Variants in FBXW7 observed in about 807,000 individuals in gnomAD.
FBXW7 encodes the protein F-box/WD repeat-containing protein 7.
FBXW7 carries 11 observed loss-of-function variants against 86.3 expected under a neutral mutation model. That is an observed-to-expected ratio of 0.13 (90% confidence interval 0.08 to 0.21). The LOEUF (loss-of-function observed/expected upper bound fraction) is 0.21, where lower values mean the gene tolerates loss of function less well. Ranked by LOEUF, FBXW7 falls within the 10% of genes least tolerant of loss-of-function variation. The pLI, the probability that FBXW7 is intolerant of heterozygous loss-of-function variation, is 1.00. For synonymous variants in FBXW7, 313 were observed against 297.9 expected (o/e 1.05, Z -0.52); for missense variants, 488 against 847.4 (o/e 0.58, Z 5.27).
Position 152,350,795 on chromosome 4 carries a change from T to C in FBXW7, c.502-671A>G, listed in dbSNP as rs1236350392. 2.6e-5 allele frequency among the ~76,000 whole-genome samples: 4 copies of C among 151,982 alleles called. No homozygotes were observed. In the East Asian group the frequency reaches 7.7e-4, roughly 29 times the overall value. ...AGAATATAGCTCTATTGACAGATAC[T>C]CAGGACAAAATATTCTAATTTGAAA... On this transcript the variant is annotated intron_variant, in intron 4 of 13. Coordinates refer to ENST00000281708, the MANE Select transcript of FBXW7 (RefSeq NM_001349798.2).
rs192470984 is a variant in FBXW7, at chr4:152,482,629, G to A, written c.-120+52312C>T. Reference sequence around the variant, plus strand: ...GGGAGCCATATTTAGCAACCAAGATGCATGTAACCATTGCTACTGAGATTG... The same window carrying A: ...GGGAGCCATATTTAGCAACCAAGATACATGTAACCATTGCTACTGAGATTG... On this transcript the variant is annotated intron_variant, in intron 2 of 13. Coordinates refer to ENST00000281708, the MANE Select transcript of FBXW7 (RefSeq NM_001349798.2). Among the ~76,000 whole-genome samples, 622 of 152,218 alleles carry A rather than the reference G, an allele frequency of 4.1e-3. 5 individuals are homozygous for A. Among genetic ancestry groups the A allele is most frequent in the Non-Finnish European group, 6.7e-3 (459 of 68,006 alleles).
At chr4:152,483,690 C>T (rs374486270) in intron 2 of FBXW7, among the ~76,000 whole-genome samples, 1 of 151,792 alleles carries the variant, frequency 6.6e-6, no homozygotes, top group East Asian at 1.9e-4. Context: ...AAAGTGAGAC[C>T]CTGTCTCCAA....
chr4:152,338,035 AG>A lies in FBXW7; in HGVS notation c.727-100del, dbSNP rs1268300603. On this transcript the variant is annotated intron_variant, in intron 6 of 13. Coordinates refer to ENST00000281708, the MANE Select transcript of FBXW7 (RefSeq NM_001349798.2). ...CATCTACACACAACCATAGTTGATC[AG>A]GGTAGAACTGTATAAAAAGTGGCTC... is the stretch of plus-strand genomic sequence containing the variant. 15 of 1,134,456 alleles carry A rather than the reference AG, an allele frequency of 1.3e-5. No individual in the cohort carries two copies. The African/African-American group carries it at 2.4e-4, about 18-fold the overall frequency. 70.3% of individuals were successfully genotyped at this position (1,134,456 alleles called of 1,614,324 possible). A position where few individuals can be genotyped will look rare whatever the true frequency, so the allele number is the denominator to read the frequency against.
intron 4 of FBXW7, chr4:152,352,621 G>T (rs1731932960): frequency 1.9e-6 from 3 of 1,613,652 alleles, no homozygotes; most frequent in Non-Finnish European, 2.5e-6. Flanking sequence ...TTCTAATGTG[G>T]ACATGCTCAG....
At chr4:152,454,832 T>C (rs1332678687) in intron 2 of FBXW7, among the ~76,000 whole-genome samples, 1 of 152,100 alleles carries the variant, frequency 6.6e-6, no homozygotes, top group Non-Finnish European at 1.5e-5. Context: ...TAATAAATAT[T>C]AGCCATTAAC....
intron 2 of FBXW7, among the ~76,000 whole-genome samples, chr4:152,419,494 A>AAAACACACACACACACACACAC (rs370794631): frequency 5.7e-5 from 7 of 123,344 alleles, no homozygotes; most frequent in East Asian, 2.4e-4. Context: ...GGATAAGGTA[A>AAAACACACACACACACACACAC]ACACACACAC....
At position 152,426,353 on chromosome 4, in the gene FBXW7, CTT is replaced by C. The variant is rs112116648; in HGVS notation, c.-119-13826_-119-13825del. On this transcript the variant is annotated intron_variant, in intron 2 of 13. Transcript: ENST00000281708. The stretch of plus-strand genomic sequence containing the variant: ...TATTTCCAGAGATAATGGCTACAAA[CTT>C]TTTTTTTTTTTTTTTAAACAGTCTC... 7.2e-3 allele frequency among the ~76,000 whole-genome samples: 1,029 copies of C among 143,108 alleles called. 3 individuals carry two copies. The highest frequency in any genetic ancestry group is 0.022 in the Admixed American group (320 of 14,416). The allele number at this position is 143,108 out of a possible 152,430, so 93.9% of individuals were successfully genotyped here. A position where few individuals can be genotyped will look rare whatever the true frequency, so the allele number is the denominator to read the frequency against.
intron 2 of FBXW7, among the ~76,000 whole-genome samples, chr4:152,457,561 G>A (rs1021164900): frequency 4.7e-5 from 7 of 150,286 alleles, no homozygotes; most frequent in South Asian, 2.1e-4. Context: ...GGAGAATGGC[G>A]TGAACCCAGG....
intron 7 of FBXW7, among the ~76,000 whole-genome samples, chr4:152,335,475 C>T (rs923694551): frequency 2.6e-5 from 4 of 152,086 alleles, no homozygotes; most frequent in East Asian, 1.9e-4. Context: ...TCTGTCCAAC[C>T]GCTATGGTAG....
chr4:152,408,778 G>A (rs1459907137), intron 4 of FBXW7, among the ~76,000 whole-genome samples: 1 of 152,172 alleles, frequency 6.6e-6, no homozygotes, highest in East Asian at 1.9e-4. Context: ...TTTGCTATTA[G>A]GCAAATCAGG....
At chr4:152,324,109 A>T in intron 13 of FBXW7, 75 bp downstream of exon 13, 2 of 1,167,164 alleles carry the variant, frequency 1.7e-6, no homozygotes, top group African/African-American at 1.5e-5. Flanking sequence ...TCTTTTTGTG[A>T]TGCTAAGGCT....
rs202191840 is a variant in FBXW7, at chr4:152,350,046, T to C, written c.580A>G (p.Thr194Ala). The change falls in exon 5 of 14, where the codon ACA becomes GCA. Residue 194 changes from threonine to alanine, a missense_variant. This residue lies in a region of FBXW7 where 230 missense variants were observed against 240.0 expected (regional missense o/e 0.96). Transcript: ENST00000281708. Reference protein sequence around the residue: ...GKKPCKVSEYTSTTGLVPCSA... With the variant: ...GKKPCKVSEYASTTGLVPCSA... ...AATCATTATATTTAATATTACCTTG[T>C]ATATTCTGAGACTTTGCATGGTTTC... 3 of 1,517,918 alleles carry C rather than the reference T, an allele frequency of 2.0e-6. No homozygotes were observed. Among genetic ancestry groups the C allele is most frequent in the South Asian group, 2.5e-5 (2 of 81,428 alleles). The allele number at this position is 1,517,918 out of a possible 1,614,324, so 94.0% of individuals were successfully genotyped here.
chr4:152,372,913 A>G (rs1286831102), intron 4 of FBXW7, among the ~76,000 whole-genome samples: 4 of 152,036 alleles, frequency 2.6e-5, no homozygotes, highest in African/African-American at 9.7e-5. Context: ...ACTAGGGCAC[A>G]ACCCAATACT....
chr4:152,362,692 G>A (rs769131466), intron 4 of FBXW7, among the ~76,000 whole-genome samples: 6 of 151,946 alleles, frequency 3.9e-5, no homozygotes, highest in Non-Finnish European at 8.8e-5. Context: ...GCCAGGCATG[G>A]TGGTGGGCAC....
chr4:152,447,785 A>T (rs377186232), intron 2 of FBXW7, among the ~76,000 whole-genome samples: 43 of 152,354 alleles, frequency 2.8e-4, no homozygotes, highest in African/African-American at 9.9e-4. Context: ...GTACAACTCA[A>T]GAGATCAAGA....
chr4:152,461,025 A>T (rs188402212), intron 2 of FBXW7, among the ~76,000 whole-genome samples: 28 of 152,328 alleles, frequency 1.8e-4, no homozygotes, highest in African/African-American at 6.0e-4. Context: ...TCACGCCTGT[A>T]ATCAAAGTAC....
intron 2 of FBXW7, among the ~76,000 whole-genome samples, chr4:152,459,025 A>G (rs1224527486): frequency 1.3e-5 from 2 of 152,194 alleles, no homozygotes; most frequent in Non-Finnish European, 2.9e-5. Flanking sequence ...AGAAATTAGG[A>G]TCTAGCTACT....
chr4:152,436,522 T>C (rs890528484), intron 2 of FBXW7, among the ~76,000 whole-genome samples: 1 of 152,250 alleles, frequency 6.6e-6, no homozygotes, highest in African/African-American at 2.4e-5. Context: ...CTAAGATCAC[T>C]GACGAAGGTG....
At chr4:152,522,618 A>T (rs1398916506) in intron 2 of FBXW7, among the ~76,000 whole-genome samples, 1 of 152,082 alleles carries the variant, frequency 6.6e-6, no homozygotes, top group Non-Finnish European at 1.5e-5. Context: ...TACCCACGAG[A>T]TACCAGTAGC....
Sources: gnomAD v4.1 joint callset for allele counts (sites outside exome capture counted in the v4.1 genomes callset) on GRCh38, gnomAD v4.1.1 for gene constraint, gnomAD v4.1.1 regional missense constraint, MANE v1.5 for transcripts, NCBI Gene and HGNC (gene_info 2026-07-23, HGNC 2026-07-21) for gene names.